The following GRAMD1B variants were observed in gnomAD, a reference collection of about 807,000 sequenced individuals.
The protein encoded by GRAMD1B is protein Aster-B.
A neutral mutation model predicts 99.7 loss-of-function variants in GRAMD1B; 37 were observed. The ratio of observed to expected loss-of-function variants is 0.37; its 90% CI spans 0.29 to 0.49. GRAMD1B has a LOEUF of 0.49. GRAMD1B is among the 20% of genes least tolerant of loss of function. The pLI, the probability that GRAMD1B is intolerant of heterozygous loss-of-function variation, is 0.98. For synonymous variants in GRAMD1B, 427 were observed against 387.6 expected, an observed-to-expected ratio of 1.10 and a Z score of -1.19; for missense variants, 888 against 1,009.2, an observed-to-expected ratio of 0.88 and a Z score of 1.63.
chr11:123,393,839 G>C (rs889167632), intron 1 of GRAMD1B, among the ~76,000 whole-genome samples: 3 of 152,210 alleles, frequency 2.0e-5, no homozygotes, highest in African/African-American at 4.8e-5. Context: ...GCTGTCTCAT[G>C]GTCTGTCTAC....
intron 1 of GRAMD1B, among the ~76,000 whole-genome samples, chr11:123,466,671 A>G (rs542744009): frequency 2.0e-4 from 30 of 152,078 alleles, no homozygotes; most frequent in African/African-American, 6.3e-4. Flanking sequence ...GGGGTGGGGG[A>G]AAGTGAGGGG....
intron 2 of GRAMD1B, among the ~76,000 whole-genome samples, chr11:123,547,828 T>G (rs1265088214): frequency 6.6e-6 from 1 of 152,210 alleles, no homozygotes; most frequent in Non-Finnish European, 1.5e-5. Flanking sequence ...GTACATTCCT[T>G]CACTTGCTTC....
intron 1 of GRAMD1B, among the ~76,000 whole-genome samples, chr11:123,467,747 G>A (rs1031683003): frequency 3.9e-5 from 6 of 152,092 alleles, no homozygotes; most frequent in African/African-American, 1.2e-4. Context: ...CTGAGGTCAC[G>A]GGCCATGCCT....
intron 1 of GRAMD1B, among the ~76,000 whole-genome samples, chr11:123,404,170 A>G (rs1320978035): frequency 6.6e-6 from 1 of 152,318 alleles, no homozygotes. Context: ...AGGATTGCAC[A>G]CAATGTTATA....
chr11:123,494,907 G>A (rs1021502371), intron 2 of GRAMD1B, among the ~76,000 whole-genome samples: 5 of 152,046 alleles, frequency 3.3e-5, no homozygotes, highest in Non-Finnish European at 5.9e-5. Context: ...TGTACTCCAG[G>A]GTTGAGATGA....
chr11:123,452,354 G>C (rs980224806), intron 1 of GRAMD1B, among the ~76,000 whole-genome samples: 19 of 152,138 alleles, frequency 1.2e-4, no homozygotes, highest in Admixed American at 8.5e-4. Context: ...TCTGGTAGAA[G>C]ACCTTCCTTG....
At chr11:123,608,562 A>G (rs1365224060) in intron 11 of GRAMD1B, 97 bp from the exon 12 acceptor site, 7 of 1,548,628 alleles carry the variant, frequency 4.5e-6, no homozygotes, top group African/African-American at 1.4e-5. Context: ...GACTGTGCTC[A>G]TATTAGCCAG....
At chr11:123,392,214 G>A (rs1591415845) in intron 1 of GRAMD1B, among the ~76,000 whole-genome samples, 1 of 152,012 alleles carries the variant, frequency 6.6e-6, no homozygotes, top group Non-Finnish European at 1.5e-5. Flanking sequence ...TAGAAGAGGA[G>A]AATGAAAGCA....
At chr11:123,409,001 GTTA>G (rs1335483163) in intron 1 of GRAMD1B, among the ~76,000 whole-genome samples, 1 of 152,122 alleles carries the variant, frequency 6.6e-6, no homozygotes, top group African/African-American at 2.4e-5. Context: ...TCTTTTTTAT[GTTA>G]TTATTATTTA....
intron 1 of GRAMD1B, among the ~76,000 whole-genome samples, chr11:123,418,834 TC>T (rs1948322996): frequency 6.6e-6 from 1 of 152,176 alleles, no homozygotes. Flanking sequence ...TCCTCCCCTG[TC>T]CCTCCACCAT....
intron 2 of GRAMD1B, among the ~76,000 whole-genome samples, chr11:123,501,893 T>G (rs1374243833): frequency 6.6e-6 from 1 of 152,246 alleles, no homozygotes; most frequent in Non-Finnish European, 1.5e-5. Flanking sequence ...GACAACATCT[T>G]TCTGATGCTT....
intron 1 of GRAMD1B, among the ~76,000 whole-genome samples, chr11:123,379,176 A>T (rs1194153253): frequency 6.6e-6 from 1 of 152,226 alleles, no homozygotes; most frequent in African/African-American, 2.4e-5. Flanking sequence ...ATAGGTTAGA[A>T]GGGAGAGAAG....
intron 2 of GRAMD1B, among the ~76,000 whole-genome samples, chr11:123,549,360 C>T (rs866388808): frequency 3.3e-5 from 5 of 152,122 alleles, no homozygotes; most frequent in East Asian, 3.9e-4. Flanking sequence ...CTGGCTAAGA[C>T]GGTGAAACCA....
Position 123,492,072 on chromosome 11 carries a change from G to T in GRAMD1B, c.452+11179G>T, listed in dbSNP as rs1053503339. The T allele has an allele frequency of 2.3e-5, 9 of 395,008 alleles. No homozygotes were observed. The highest frequency in any genetic ancestry group is 1.9e-4 in the African/African-American group (9 of 48,536). The allele number at this position is 395,008 out of a possible 1,614,324, so 24.5% of individuals were successfully genotyped here. A position where few individuals can be genotyped will look rare whatever the true frequency, so the allele number is the denominator to read the frequency against. ...GGACACTCGGTGATCCATTGCAAGA[G>T]GCTGAAGGGAAAGGCCAAGGGGTAT... is the stretch of plus-strand genomic sequence containing the variant. On this transcript the variant is annotated intron_variant, in intron 2 of 19. Transcript: ENST00000635736. This position sits in a 1 kb window ranked among gnomAD's most constrained non-coding sequence, Gnocchi z 4.2.
intron 2 of GRAMD1B, among the ~76,000 whole-genome samples, chr11:123,487,883 A>T (rs1421340575): frequency 6.6e-6 from 1 of 152,220 alleles, no homozygotes; most frequent in Non-Finnish European, 1.5e-5. Context: ...CTGGGATTAC[A>T]GACGTGAGCC....
intron 1 of GRAMD1B, among the ~76,000 whole-genome samples, chr11:123,382,311 G>A (rs1357333129): frequency 6.6e-6 from 1 of 152,194 alleles, no homozygotes; most frequent in African/African-American, 2.4e-5. Context: ...GAGCCTAACT[G>A]TGGATTTAGA....
rs80171097 is a variant in GRAMD1B at position 123,587,678 on chromosome 11, C to A, written c.684+3346C>A. Among the ~76,000 whole-genome samples, 1,894 of 152,318 alleles carry A rather than the reference C, an allele frequency of 0.012. 29 individuals are homozygous for A. The highest frequency in any genetic ancestry group is 0.033 in the African/African-American group (1,352 of 41,562). ...CAGAGCACAGGAGCCCAGACCCTGGCAGCCGCCTGAGACTTAGCACCCTGC... is the reference window on the plus strand; with the variant it reads ...CAGAGCACAGGAGCCCAGACCCTGGAAGCCGCCTGAGACTTAGCACCCTGC... On this transcript the variant is annotated intron_variant, in intron 4 of 19. Coordinates refer to ENST00000635736, the MANE Select transcript of GRAMD1B (RefSeq NM_001387025.1). The surrounding 1 kb of genome is among the most constrained non-coding windows in gnomAD (Gnocchi z 4.2).
chr11:123,525,340 G>T (rs1942603054), intron 2 of GRAMD1B, among the ~76,000 whole-genome samples: 2 of 152,180 alleles, frequency 1.3e-5, no homozygotes, highest in South Asian at 4.1e-4. Context: ...GCGCCTAGAT[G>T]TCCCAGGCAC....
chr11:123,599,526 G>T, intron 7 of GRAMD1B: 1 of 526,738 alleles, frequency 1.9e-6, no homozygotes, highest in Non-Finnish European at 3.6e-6. Context: ...AGGCTGGAGT[G>T]CAGTAGCACT....
Sources: allele counts gnomAD v4.1 joint callset (sites outside exome capture counted in the v4.1 genomes callset), GRCh38; gene constraint gnomAD v4.1.1; non-coding constraint Gnocchi (gnomAD v3.1); transcripts MANE v1.5; gene names NCBI Gene and HGNC (gene_info 2026-07-23, HGNC 2026-07-21).